Variants in SRPK1 observed in about 807,000 individuals in gnomAD.
SRPK1 encodes SRSF protein kinase 1.
SRPK1 carries 52 observed loss-of-function variants against 89.5 expected under a neutral mutation model. That is an observed-to-expected ratio of 0.58 (90% CI 0.46 to 0.73). The LOEUF (loss-of-function observed/expected upper bound fraction) is 0.73. Ranked by LOEUF, SRPK1 falls within the 30% of genes least tolerant of loss-of-function variation. The probability of loss-of-function intolerance (pLI) is 0.00; values close to 1 mark genes in which losing one functional copy is unlikely to be tolerated. For missense variants in SRPK1, 603 were observed against 780.6 expected (o/e 0.77, Z 2.71); for synonymous variants, 255 against 270.2 (o/e 0.94, Z 0.55).
intron 8 of SRPK1, 82 bp from the exon 9 acceptor site, chr6:35,871,041 GAATGAAA>G: frequency 8.5e-7 from 1 of 1,171,540 alleles, no homozygotes; most frequent in South Asian, 1.5e-5. Flanking sequence ...CACTCTACCA[GAATGAAA>G]AGTCTTTCTT....
rs1208829268 is a variant in SRPK1, at chr6:35,848,490, G to C, written c.1621-5886C>G. ...GAGGATCACTTCAGCCCAGGAAGCG[G>C]AGGCTGAAGAGAGCTGTGATTGCGC... On this transcript the variant is annotated intron_variant, in intron 13 of 15. Coordinates refer to ENST00000373825, the MANE Select transcript of SRPK1 (RefSeq NM_003137.5). 2.6e-5 allele frequency among the ~76,000 whole-genome samples: 4 copies of C among 152,236 alleles called. No individual in the cohort carries two copies. The East Asian group carries it at 7.7e-4, about 29-fold the overall frequency.
At chr6:35,876,085 TAA>T (rs34493292) in intron 6 of SRPK1, among the ~76,000 whole-genome samples, 3,526 of 77,594 alleles carry the variant, frequency 0.045, 93 homozygotes, top group African/African-American at 0.12. Context: ...ATTCTTAAAT[TAA>T]AAAAAAAAAA....
chr6:35,908,252 G>C (rs539360495), intron 2 of SRPK1, among the ~76,000 whole-genome samples: 48 of 152,326 alleles, frequency 3.2e-4, no homozygotes, highest in Middle Eastern at 6.8e-3. Context: ...ACAGTTTGGA[G>C]GAGGGCTCAG....
intron 6 of SRPK1, among the ~76,000 whole-genome samples, 167 bp downstream of exon 6, chr6:35,886,557 C>T (rs1253400734): frequency 6.6e-6 from 1 of 152,152 alleles, no homozygotes; most frequent in East Asian, 1.9e-4. Flanking sequence ...AATCACACCA[C>T]ACAAAATTAG....
At chr6:35,888,468 G>A (rs1770454250) in intron 4 of SRPK1, among the ~76,000 whole-genome samples, 1 of 152,112 alleles carries the variant, frequency 6.6e-6, no homozygotes, top group Non-Finnish European at 1.5e-5. Context: ...TCTGTATATA[G>A]GCAAAAACTA....
At position 35,886,808 on chromosome 6, in the gene SRPK1, G is replaced by A. The variant is rs763221621; in HGVS notation, c.394C>T (p.Arg132Cys). The part of the protein sequence containing the change: ...LDEIRLLKSV[R>C]NSDPNDPNRE... ...TTTGGATCATTAGGGTCTGAATTGC[G>A]AACCTGTAGTGGGGAAGAGACAGTG... The change falls in exon 6 of 16, where the codon CGC (arginine) becomes TGC (cysteine). Residue 132 changes from arginine (R) to cysteine (C), a missense_variant. By Grantham distance (180) the Arg-to-Cys change is radical. Transcript: ENST00000373825. 1.1e-5 allele frequency: 17 copies of A among 1,597,092 alleles called. No homozygotes were observed. The Middle Eastern group carries it at 5.0e-4, about 47-fold the overall frequency.
chr6:35,915,402 G>A (rs369397372), intron 2 of SRPK1, among the ~76,000 whole-genome samples: 1 of 100,694 alleles, frequency 9.9e-6, no homozygotes, highest in Non-Finnish European at 2.0e-5. Flanking sequence ...GCAAGACACC[G>A]TCTCAAAAAA....
chr6:35,868,129 C>A (rs543293348), intron 12 of SRPK1, among the ~76,000 whole-genome samples: 1 of 151,878 alleles, frequency 6.6e-6, no homozygotes, highest in Non-Finnish European at 1.5e-5. Flanking sequence ...TGCGCCAACA[C>A]GCCTGGCTAA....
chr6:35,896,940 T>C (rs1237922705), intron 2 of SRPK1, among the ~76,000 whole-genome samples: 1 of 152,208 alleles, frequency 6.6e-6, no homozygotes, highest in Non-Finnish European at 1.5e-5. Context: ...AACATTATAC[T>C]AAGAGAAGCC....
At chr6:35,910,145 G>A (rs965905946) in intron 2 of SRPK1, among the ~76,000 whole-genome samples, 5 of 152,122 alleles carry the variant, frequency 3.3e-5, no homozygotes, top group African/African-American at 7.2e-5. Flanking sequence ...CACCGCACCC[G>A]ACTAATTTTG....
At chr6:35,910,917 T>C (rs1357409993) in intron 2 of SRPK1, among the ~76,000 whole-genome samples, 2 of 152,194 alleles carry the variant, frequency 1.3e-5, no homozygotes, top group Admixed American at 1.3e-4. Context: ...AAAAATAGAT[T>C]CCTTTGAAAA....
intron 2 of SRPK1, among the ~76,000 whole-genome samples, chr6:35,915,953 C>T (rs1476230778): frequency 1.6e-5 from 2 of 124,688 alleles, no homozygotes; most frequent in Non-Finnish European, 3.2e-5. Flanking sequence ...GCCTGGGCGA[C>T]AGAACGAGAC....
At chr6:35,906,455 C>T (rs1284529785) in intron 2 of SRPK1, among the ~76,000 whole-genome samples, 1 of 152,140 alleles carries the variant, frequency 6.6e-6, no homozygotes, top group Admixed American at 6.5e-5. Context: ...AAACTCCTGG[C>T]CTCAAACGAT....
chr6:35,865,443 A>C (rs1438712503), intron 12 of SRPK1, among the ~76,000 whole-genome samples: 2 of 152,334 alleles, frequency 1.3e-5, no homozygotes, highest in East Asian at 3.9e-4. Flanking sequence ...ATTACAAAAA[A>C]CAATTCTAAA....
chr6:35,861,615 C>A, intron 12 of SRPK1, among the ~76,000 whole-genome samples: 1 of 152,222 alleles, frequency 6.6e-6, no homozygotes, highest in East Asian at 1.9e-4. Flanking sequence ...CCCCATGCTG[C>A]TGGCCTAAGA....
At chr6:35,871,354 T>C (rs1770032398) in intron 8 of SRPK1, among the ~76,000 whole-genome samples, 1 of 152,240 alleles carries the variant, frequency 6.6e-6, no homozygotes, top group African/African-American at 2.4e-5. Flanking sequence ...AGTAATTTGC[T>C]CTACAGCATG....
chr6:35,856,123 A>G (rs1769661326), intron 13 of SRPK1, among the ~76,000 whole-genome samples: 1 of 152,216 alleles, frequency 6.6e-6, no homozygotes, highest in Non-Finnish European at 1.5e-5. Flanking sequence ...CAGGGAAGGG[A>G]GGGAAAGCTT....
intron 3 of SRPK1, among the ~76,000 whole-genome samples, chr6:35,889,824 C>T (rs908239489): frequency 6.6e-6 from 1 of 150,648 alleles, no homozygotes; most frequent in Non-Finnish European, 1.5e-5. Context: ...AACGGCAAGG[C>T]GCGGTGGCTC....
Position 35,868,897 on chromosome 6 carries a change from G to A in SRPK1, c.1512+113C>T, listed in dbSNP as rs1373412713. The A allele has an allele frequency of 6.8e-6, 5 of 732,950 alleles. No individual in the cohort carries two copies. In the African/African-American group the frequency reaches 9.1e-5, roughly 13 times the overall value. 45.4% of individuals were successfully genotyped at this position (732,950 alleles called of 1,614,324 possible). A position where few individuals can be genotyped will look rare whatever the true frequency, so the allele number is the denominator to read the frequency against. Reference sequence around the variant, plus strand: ...TTTTAAATGTAAAAAAATATTCACTGAAGTGTTGTATCAATCTGGGTACAG... The same window carrying A: ...TTTTAAATGTAAAAAAATATTCACTAAAGTGTTGTATCAATCTGGGTACAG... On this transcript the variant is annotated intron_variant, in intron 12 of 15. Coordinates refer to ENST00000373825, the MANE Select transcript of SRPK1 (RefSeq NM_003137.5).
Sources: gnomAD v4.1 joint callset for allele counts (sites outside exome capture counted in the v4.1 genomes callset) on GRCh38, gnomAD v4.1.1 for gene constraint, MANE v1.5 for transcripts, NCBI Gene and HGNC (gene_info 2026-07-23, HGNC 2026-07-21) for gene names.